ACSS2: variants seen among roughly 807,000 people sequenced by gnomAD.
The protein encoded by ACSS2 is acyl-CoA synthetase short chain family member 2.
ACSS2 carries 58 observed loss-of-function variants against 90.6 expected under a neutral mutation model. The observed-to-expected ratio is 0.64, with a 90% confidence interval of 0.52 to 0.80. The LOEUF (loss-of-function observed/expected upper bound fraction) is 0.80. ACSS2 is among the 30% of genes least tolerant of loss of function. The pLI is 0.00. For missense variants in ACSS2, 759 were observed against 912.0 expected, an observed-to-expected ratio of 0.83 and a Z score of 2.16; for synonymous variants, 300 against 330.9, an observed-to-expected ratio of 0.91 and a Z score of 1.01.
intron 14 of ACSS2, among the ~76,000 whole-genome samples, chr20:34,924,710 T>G (rs1271404890): frequency 1.3e-5 from 2 of 151,636 alleles, no homozygotes; most frequent in Non-Finnish European, 2.9e-5. Context: ...GTTGTTTGTT[T>G]TTTTTTTGAG....
At chr20:34,881,890 A>G (rs2080078233) in intron 1 of ACSS2, among the ~76,000 whole-genome samples, 1 of 152,248 alleles carries the variant, frequency 6.6e-6, no homozygotes, top group Non-Finnish European at 1.5e-5. Context: ...CACTTATATA[A>G]GTAGAAGCTG....
intron 1 of ACSS2, among the ~76,000 whole-genome samples, chr20:34,877,160 G>A (rs1191567655): frequency 6.6e-6 from 1 of 152,046 alleles, no homozygotes; most frequent in East Asian, 1.9e-4. Flanking sequence ...GAAGAGAAGG[G>A]GAGTTCCTGA....
At position 34,876,829 on chromosome 20, in the gene ACSS2, G is replaced by C; in HGVS notation, c.178+6G>C. 6 of 1,294,390 alleles carry C rather than the reference G, an allele frequency of 4.6e-6. No homozygotes were observed. In the South Asian group the frequency reaches 1.5e-4, roughly 31 times the overall value. 80.2% of individuals were successfully genotyped at this position (1,294,390 alleles called of 1,614,324 possible). A position where few individuals can be genotyped will look rare whatever the true frequency, so the allele number is the denominator to read the frequency against. On this transcript the variant is annotated splice_donor_region_variant and intron_variant, in intron 1 of 17. Transcript: ENST00000360596. ...CTCCGTGGAGGAGCCGCGGGGTGAG[G>C]CCCGGCCCGGGCGGGCCTGGGGTGT...
intron 2 of ACSS2, among the ~76,000 whole-genome samples, chr20:34,910,969 T>C (rs1259049296): frequency 6.6e-6 from 1 of 152,062 alleles, no homozygotes; most frequent in African/African-American, 2.4e-5. Context: ...ACTACAGGTG[T>C]GCACCACCAT....
At chr20:34,892,275 T>C (rs996096861) in intron 2 of ACSS2, among the ~76,000 whole-genome samples, 1 of 152,140 alleles carries the variant, frequency 6.6e-6, no homozygotes, top group Non-Finnish European at 1.5e-5. Flanking sequence ...AACAATTAAC[T>C]CAGAAGGCGT....
intron 2 of ACSS2, among the ~76,000 whole-genome samples, chr20:34,898,936 G>C (rs552713152): frequency 6.6e-6 from 1 of 152,344 alleles, no homozygotes; most frequent in Non-Finnish European, 1.5e-5. Flanking sequence ...TGCAGGTCCC[G>C]AGCCCTGCCC....
chr20:34,909,307 G>T (rs890717063), intron 2 of ACSS2, among the ~76,000 whole-genome samples: 5 of 152,024 alleles, frequency 3.3e-5, no homozygotes, highest in African/African-American at 9.7e-5. Context: ...GGTTGAGGCT[G>T]TAGTGAGCTG....
At chr20:34,913,532 G>A (rs1050700252) in intron 4 of ACSS2, 36 bp downstream of exon 4, 8 of 1,584,234 alleles carry the variant, frequency 5.0e-6, no homozygotes, top group Non-Finnish European at 6.0e-6. Flanking sequence ...GGCAGGCGGG[G>A]GGGTGGGGCT....
At chr20:34,902,711 T>TTTAATTAA (rs376201305) in intron 2 of ACSS2, among the ~76,000 whole-genome samples, 12 of 151,702 alleles carry the variant, frequency 7.9e-5, no homozygotes, top group Non-Finnish European at 1.5e-4. Flanking sequence ...TTTATTGTTG[T>TTTAATTAA]TTAATTAATT....
chr20:34,897,971 G>A (rs567940203), intron 2 of ACSS2, among the ~76,000 whole-genome samples: 3 of 152,276 alleles, frequency 2.0e-5, no homozygotes, highest in African/African-American at 4.8e-5. Context: ...GAATGAAGCC[G>A]TGGACCCTCA....
At chr20:34,925,613 T>C in intron 14 of ACSS2, 85 bp from the exon 15 acceptor site, 1 of 1,424,870 alleles carries the variant, frequency 7.0e-7, no homozygotes, top group South Asian at 1.3e-5. Context: ...TAGAAGGCTA[T>C]TGCAGAAGGT....
chr20:34,882,395 G>A (rs1244564425), intron 1 of ACSS2, among the ~76,000 whole-genome samples: 15 of 152,220 alleles, frequency 9.9e-5, no homozygotes, highest in South Asian at 2.1e-4. Flanking sequence ...AGTCCGAGGC[G>A]GGCGGATCAC....
At position 34,926,234 on chromosome 20, in the gene ACSS2, A is replaced by G. The variant is rs371439681; in HGVS notation, c.1856A>G (p.Asp619Gly). The G allele has an allele frequency of 6.2e-7, 1 of 1,614,032 alleles. No individual in the cohort carries two copies. Among genetic ancestry groups the G allele is most frequent in the South Asian group, 1.1e-5 (1 of 91,088 alleles). ...ECLYCFVTLC[D>G]GHTFSPKLTE... ...CTCTACTGCTTTGTCACCTTGTGTG[A>G]TGGCCACACCTTCAGCCCCAAGCTC... The change falls in exon 16 of 18, where the codon GAT (aspartate) becomes GGT (glycine). Residue 619 changes from aspartate to glycine, a missense_variant. Physicochemically the swap from Asp to Gly is moderately conservative, Grantham distance 94. Transcript: ENST00000360596.
rs759496961 is a variant in ACSS2, at chr20:34,914,082, G to A, written c.644-14G>A. The A allele has an allele frequency of 1.2e-6, 2 of 1,613,972 alleles. No individual in the cohort carries two copies. Among genetic ancestry groups the A allele is most frequent in the Non-Finnish European group, 1.7e-6 (2 of 1,179,880 alleles). On this transcript the variant is annotated splice_polypyrimidine_tract_variant and intron_variant, in intron 5 of 17. Transcript: ENST00000360596. ...GGGCTTACTAAGGCCTGGAATGTCT[G>A]TTGCTCCCCAAAGATGCCTTCTACA...
Position 34,921,104 on chromosome 20 carries a change from T to C in ACSS2, c.1242T>C (p.Arg414=), listed in dbSNP as rs994813696. The change falls in exon 10 of 18, where the codon CGT becomes CGC. Residue 414 remains arginine (R), a synonymous_variant. Coordinates refer to ENST00000360596, the MANE Select transcript of ACSS2 (RefSeq NM_018677.4). ...TKFYTAPTAI[R]LLMKFGDEPV... ...TCTACACAGCACCCACAGCCATCCGTCTGCTCATGAAGTTTGGAGATGAGC... is the reference window on the plus strand; with the variant it reads ...TCTACACAGCACCCACAGCCATCCGCCTGCTCATGAAGTTTGGAGATGAGC... The C allele has an allele frequency of 9.9e-6, 16 of 1,614,212 alleles. No homozygotes were observed. The South Asian group carries it at 1.6e-4, about 17-fold the overall frequency.
intron 2 of ACSS2, among the ~76,000 whole-genome samples, chr20:34,889,579 A>G (rs1229139013): frequency 6.6e-6 from 1 of 152,178 alleles, no homozygotes; most frequent in Non-Finnish European, 1.5e-5. Flanking sequence ...TCTTAAGCAC[A>G]GACGTGATAA....
intron 1 of ACSS2, among the ~76,000 whole-genome samples, chr20:34,880,937 CT>C (rs1329830475): frequency 2.0e-5 from 3 of 148,160 alleles, no homozygotes; most frequent in African/African-American, 7.5e-5. Flanking sequence ...AATTTTATTT[CT>C]TATGAAATGA....
chr20:34,909,521 CAA>C (rs2080895875), intron 2 of ACSS2, among the ~76,000 whole-genome samples: 1 of 152,090 alleles, frequency 6.6e-6, no homozygotes, highest in Admixed American at 6.6e-5. Context: ...TAATAATTAA[CAA>C]AAGATACAGA....
chr20:34,879,562 A>C (rs1487228169), intron 1 of ACSS2, among the ~76,000 whole-genome samples: 1 of 151,934 alleles, frequency 6.6e-6, no homozygotes, highest in Non-Finnish European at 1.5e-5. Context: ...AGAAAAACTA[A>C]GTGTGCATAA....
Sources: allele counts gnomAD v4.1 joint callset (sites outside exome capture counted in the v4.1 genomes callset), GRCh38; gene constraint gnomAD v4.1.1; transcripts MANE v1.5; gene names NCBI Gene and HGNC (gene_info 2026-07-23, HGNC 2026-07-21).